The following MYO1D variants were observed in gnomAD, a reference collection of about 807,000 sequenced individuals.
MYO1D encodes unconventional myosin-Id.
A neutral mutation model predicts 122.0 loss-of-function variants in MYO1D; 83 were observed. The ratio of observed to expected loss-of-function variants is 0.68; its 90% CI spans 0.57 to 0.82. The LOEUF is 0.82. Among genes scored for constraint, MYO1D ranks in the 40% least tolerant of loss-of-function variants. The pLI, the probability that MYO1D is intolerant of heterozygous loss-of-function variation, is 0.00. For synonymous variants in MYO1D, 464 were observed against 446.9 expected (o/e 1.04, Z -0.48); for missense variants, 1,157 against 1,269.5 (o/e 0.91, Z 1.35).
At position 32,637,356 on chromosome 17, in the gene MYO1D, T is replaced by A. The variant is rs1178227988; in HGVS notation, c.2709+1366A>T. 2.6e-5 allele frequency among the ~76,000 whole-genome samples: 4 copies of A among 152,322 alleles called. No homozygotes were observed. The East Asian group carries it at 7.7e-4, about 29-fold the overall frequency. Reference sequence around the variant, plus strand: ...CAATAGAAGATTATAAGTCTATATATAAGAAGACTATATATAATCAAGAGT... The same window carrying A: ...CAATAGAAGATTATAAGTCTATATAAAAGAAGACTATATATAATCAAGAGT... On this transcript the variant is annotated intron_variant, in intron 20 of 21. Transcript: ENST00000318217.
At chr17:32,719,499 C>T (rs1031668372) in intron 15 of MYO1D, among the ~76,000 whole-genome samples, 3 of 152,008 alleles carry the variant, frequency 2.0e-5, no homozygotes, top group Non-Finnish European at 2.9e-5. Context: ...TACAGGCGCC[C>T]GCCACCACGC....
intron 20 of MYO1D, among the ~76,000 whole-genome samples, chr17:32,633,171 T>TAAAA (rs3040385): frequency 8.9e-5 from 13 of 146,020 alleles, no homozygotes; most frequent in South Asian, 2.2e-4. Flanking sequence ...AGACTAAATT[T>TAAAA]AAAAAAAAAA....
In MYO1D at chr17:32,721,280, G is replaced by A. The variant is rs1481942743; in HGVS notation, c.1747-91C>T. 8 of 1,143,732 alleles carry A rather than the reference G, an allele frequency of 7.0e-6. No homozygotes were observed. The Admixed American group carries it at 1.6e-4, about 22-fold the overall frequency. 70.8% of individuals were successfully genotyped at this position (1,143,732 alleles called of 1,614,324 possible). ...ATGTAATTAGTGTTAATTGTGTCAA[G>A]TTAAGCTCAGTGCCTCTAATTTCTC... is the stretch of plus-strand genomic sequence containing the variant. On this transcript the variant is annotated intron_variant, in intron 14 of 21. Coordinates refer to ENST00000318217, the MANE Select transcript of MYO1D (RefSeq NM_015194.3).
chr17:32,769,083 C>T (rs902809665), intron 6 of MYO1D, among the ~76,000 whole-genome samples: 1 of 152,210 alleles, frequency 6.6e-6, no homozygotes, highest in African/African-American at 2.4e-5. Flanking sequence ...TCTTATTTCC[C>T]TTACTAAATG....
At chr17:32,643,304 G>A (rs2088232120) in intron 19 of MYO1D, among the ~76,000 whole-genome samples, 1 of 152,210 alleles carries the variant, frequency 6.6e-6, no homozygotes, top group Non-Finnish European at 1.5e-5. Flanking sequence ...GCTTTTTGAT[G>A]TGCTGCTGGA....
At chr17:32,727,180 G>A (rs905688514) in intron 14 of MYO1D, among the ~76,000 whole-genome samples, 1 of 152,230 alleles carries the variant, frequency 6.6e-6, no homozygotes, top group African/African-American at 2.4e-5. Context: ...AAAAGGCCAA[G>A]AACACGGTTT....
At chr17:32,780,067 G>A (rs1184943536) in intron 2 of MYO1D, among the ~76,000 whole-genome samples, 5 of 152,034 alleles carry the variant, frequency 3.3e-5, no homozygotes, top group Admixed American at 2.0e-4. Context: ...CATGTGAGGT[G>A]TGTACCCTAT....
intron 13 of MYO1D, among the ~76,000 whole-genome samples, chr17:32,744,832 G>T (rs142722698): frequency 1.3e-5 from 2 of 152,280 alleles, no homozygotes; most frequent in African/African-American, 4.8e-5. Context: ...TTATTTGGGG[G>T]TGAAGACACT....
chr17:32,659,199 C>T lies in MYO1D; in HGVS notation c.2261G>A (p.Arg754Gln), dbSNP rs1191926035. The part of the protein sequence containing the change: ...ARRFHGVKTM[R>Q]DYGKHVKWPS... Reference sequence around the variant, plus strand: ...CCACTTCACGTGCTTCCCGTAGTCTCGCATGGTCTTGACGCCATGGAAGCG... The same window carrying T: ...CCACTTCACGTGCTTCCCGTAGTCTTGCATGGTCTTGACGCCATGGAAGCG... The change falls in exon 17 of 22, where the codon CGA becomes CAA. Residue 754 changes from arginine (R) to glutamine (Q), a missense_variant. Transcript: ENST00000318217. 3 of 1,614,212 alleles carry T rather than the reference C, an allele frequency of 1.9e-6. No homozygotes were observed. Among genetic ancestry groups the T allele is most frequent in the African/African-American group, 1.3e-5 (1 of 75,046 alleles).
chr17:32,643,024 C>T (rs546966399), intron 19 of MYO1D, among the ~76,000 whole-genome samples: 11 of 152,126 alleles, frequency 7.2e-5, no homozygotes, highest in Middle Eastern at 3.4e-3. Flanking sequence ...AATGCTTCCA[C>T]TTTTTGCCCA....
At position 32,580,996 on chromosome 17, in the gene MYO1D, A is replaced by G. The variant is rs1414432710; in HGVS notation, c.2864+24091T>C. On this transcript the variant is annotated intron_variant, in intron 21 of 21. Coordinates refer to ENST00000318217, the MANE Select transcript of MYO1D (RefSeq NM_015194.3). ...GCTGGAAAGCATTATCTCCTTTTCA[A>G]TTTTCTCGAAGAGTTTGTGTAGAAC... is the stretch of plus-strand genomic sequence containing the variant. Among the ~76,000 whole-genome samples the G allele has an allele frequency of 2.0e-5, 3 of 152,014 alleles. No individual in the cohort carries two copies. The East Asian group carries it at 5.8e-4, about 29-fold the overall frequency.
chr17:32,701,733 T>C (rs2089251276), intron 16 of MYO1D, among the ~76,000 whole-genome samples: 2 of 152,104 alleles, frequency 1.3e-5, no homozygotes, highest in Admixed American at 1.3e-4. Flanking sequence ...CAGTTAATAT[T>C]TTATTTTTAT....
At chr17:32,584,634 A>C (rs1484839182) in intron 21 of MYO1D, among the ~76,000 whole-genome samples, 1 of 151,906 alleles carries the variant, frequency 6.6e-6, no homozygotes, top group African/African-American at 2.4e-5. Flanking sequence ...CTGGTACTAC[A>C]GGTGCATGCC....
chr17:32,817,289 ATGAAGACTGAAGAC>A (rs375598084), intron 1 of MYO1D, among the ~76,000 whole-genome samples: 1 of 152,220 alleles, frequency 6.6e-6, no homozygotes, highest in Non-Finnish European at 1.5e-5. Context: ...CTAAAAAGAT[ATGAAGACTGAAGAC>A]TGAAGACTGA....
At chr17:32,685,967 A>G (rs2088999503) in intron 16 of MYO1D, among the ~76,000 whole-genome samples, 1 of 152,244 alleles carries the variant, frequency 6.6e-6, no homozygotes, top group Non-Finnish European at 1.5e-5. Flanking sequence ...TGAGCAACAA[A>G]TAAATTCTGA....
intron 1 of MYO1D, among the ~76,000 whole-genome samples, chr17:32,861,955 T>C (rs1236146456): frequency 3.3e-5 from 5 of 152,122 alleles, no homozygotes; most frequent in African/African-American, 9.6e-5. Context: ...GAGGTGGAGG[T>C]TGCAGTGAGC....
chr17:32,820,277 A>C (rs569250446), intron 1 of MYO1D, among the ~76,000 whole-genome samples: 2 of 152,336 alleles, frequency 1.3e-5, no homozygotes, highest in Admixed American at 6.5e-5. Context: ...TATATGTTCA[A>C]AGGAAAGAAA....
At chr17:32,728,192 T>A (rs1215681134) in intron 14 of MYO1D, among the ~76,000 whole-genome samples, 1 of 151,882 alleles carries the variant, frequency 6.6e-6, no homozygotes, top group Admixed American at 6.6e-5. Context: ...AATGGACTTG[T>A]ATAGAATATT....
intron 21 of MYO1D, among the ~76,000 whole-genome samples, chr17:32,548,023 C>T (rs1407733503): frequency 6.6e-6 from 1 of 151,672 alleles, no homozygotes; most frequent in Non-Finnish European, 1.5e-5. Context: ...TTAGTTTGTT[C>T]TTAACATGAC....
Sources: gnomAD v4.1 joint callset for allele counts (sites outside exome capture counted in the v4.1 genomes callset) on GRCh38, gnomAD v4.1.1 for gene constraint, MANE v1.5 for transcripts, NCBI Gene and HGNC (gene_info 2026-07-23, HGNC 2026-07-21) for gene names.